The following PLXNA2 variants were observed in gnomAD, a reference collection of about 807,000 sequenced individuals.
PLXNA2 encodes the protein plexin A2.
In PLXNA2, 91 loss-of-function variants were observed where a neutral mutation model predicts 193.5. The ratio of observed to expected loss-of-function variants is 0.47; its 90% confidence interval spans 0.40 to 0.56. The LOEUF is 0.56. Among genes scored for constraint, PLXNA2 ranks in the 20% least tolerant of loss-of-function variants. The pLI, the probability that PLXNA2 is intolerant of heterozygous loss-of-function variation, is 0.00. For missense variants in PLXNA2, 1,995 were observed against 2,503.2 expected (o/e 0.80, Z 4.33); for synonymous variants, 997 against 1,027.3 (o/e 0.97, Z 0.56).
chr1:208,041,617 G>T (rs1217261353), intron 22 of PLXNA2, among the ~76,000 whole-genome samples: 1 of 152,252 alleles, frequency 6.6e-6, no homozygotes, highest in Non-Finnish European at 1.5e-5. Context: ...AAAGCGGCTA[G>T]GTGCTAGGGC....
Position 208,084,531 on chromosome 1 carries a change from T to A in PLXNA2, c.2147A>T (p.Glu716Val), listed in dbSNP as rs1666447839. The A allele has an allele frequency of 1.2e-6, 2 of 1,614,158 alleles. No individual in the cohort carries two copies. Among genetic ancestry groups the A allele is most frequent in the South Asian group, 2.2e-5 (2 of 91,084 alleles). The stretch of plus-strand genomic sequence containing the variant: ...CGCCTTAAGGGTGATTGGCTTTACC[T>A]CCCCGACTGGAATCAAGATCTCCTC... The part of the protein sequence containing the change: ...PTEEILIPVG[E>V]VKPITLKARN... Residue 716 changes from glutamate to valine, a missense_variant, in exon 10 of 32, where the codon GAG (glutamate) becomes GTG (valine). By Grantham distance (121) the Glu-to-Val change is moderately radical. Coordinates refer to ENST00000367033, the MANE Select transcript of PLXNA2 (RefSeq NM_025179.4).
intron 4 of PLXNA2, among the ~76,000 whole-genome samples, chr1:208,117,108 T>G (rs1450593337): frequency 6.6e-6 from 1 of 151,496 alleles, no homozygotes; most frequent in Non-Finnish European, 1.5e-5. Flanking sequence ...GAGGTGGAGG[T>G]TGCAGTGAGC....
Position 208,028,766 on chromosome 1 carries a change from G to T in PLXNA2, c.5438+64C>A. The T allele has an allele frequency of 6.9e-7, 1 of 1,446,712 alleles. No individual in the cohort carries two copies. The highest frequency in any genetic ancestry group is 9.6e-7 in the Non-Finnish European group (1 of 1,047,056). The allele number at this position is 1,446,712 out of a possible 1,614,324, so 89.6% of individuals were successfully genotyped here. On this transcript the variant is annotated intron_variant, in intron 30 of 31. Transcript: ENST00000367033. The surrounding 1 kb of genome is among the most constrained non-coding windows in gnomAD (Gnocchi z 4.2). Reference sequence around the variant, plus strand: ...GTCGTCTGAGTCCTTAGTCAGTGATGACTATAGAGCGGGGAATGGGCAGGG... The same window carrying T: ...GTCGTCTGAGTCCTTAGTCAGTGATTACTATAGAGCGGGGAATGGGCAGGG...
intron 2 of PLXNA2, among the ~76,000 whole-genome samples, chr1:208,214,046 C>G (rs1172796834): frequency 6.6e-6 from 1 of 152,046 alleles, no homozygotes; most frequent in East Asian, 1.9e-4. Flanking sequence ...ACTCTGCAAG[C>G]ATTTAACCCT....
intron 3 of PLXNA2, among the ~76,000 whole-genome samples, chr1:208,166,038 G>A (rs1310311102): frequency 6.6e-6 from 1 of 152,148 alleles, no homozygotes; most frequent in Non-Finnish European, 1.5e-5. Context: ...TGTCCAAGGA[G>A]AGAGAACTCT....
chr1:208,084,000 A>G (rs1041196394), intron 10 of PLXNA2, among the ~76,000 whole-genome samples: 22 of 152,356 alleles, frequency 1.4e-4, no homozygotes, highest in Admixed American at 7.8e-4. Context: ...TCAACTTCAG[A>G]AAGGTCCATG....
chr1:208,064,625 G>A (rs1252581960), intron 12 of PLXNA2, among the ~76,000 whole-genome samples: 1 of 152,236 alleles, frequency 6.6e-6, no homozygotes, highest in Non-Finnish European at 1.5e-5. Flanking sequence ...GCACCCTGTA[G>A]AAGGCAGCTT....
At position 208,092,894 on chromosome 1, in the gene PLXNA2, C is replaced by T. The variant is rs1323324210; in HGVS notation, c.1989G>A (p.Leu663=). ...AGCGGAAGGCGCTGTTGACACAGGA[C>T]AGGCACCTGCAAGGACAGAGATGGT... ...FYNCSAHQLC[L]SCVNSAFRCH... Residue 663 remains leucine (L), a synonymous_variant, in exon 9 of 32, where the codon CTG becomes CTA. Transcript: ENST00000367033. 6.2e-7 allele frequency: 1 copy of T among 1,611,892 alleles called. No homozygotes were observed. The highest frequency in any genetic ancestry group is 8.5e-7 in the Non-Finnish European group (1 of 1,178,268).
chr1:208,244,263 G>C lies in PLXNA2; in HGVS notation c.-701C>G. On this transcript the variant is annotated 5_prime_UTR_variant, in exon 1 of 32. Coordinates refer to ENST00000367033, the MANE Select transcript of PLXNA2 (RefSeq NM_025179.4). ...CTCCGCCGCCCTCCCGCTCCAGTCTGGCGCGGATGCCGCTCCTCCCGGCAG... is the reference window on the plus strand; with the variant it reads ...CTCCGCCGCCCTCCCGCTCCAGTCTCGCGCGGATGCCGCTCCTCCCGGCAG... The C allele has an allele frequency of 5.1e-6, 1 of 195,516 alleles. No homozygotes were observed. 12.1% of individuals were successfully genotyped at this position (195,516 alleles called of 1,614,324 possible).
In PLXNA2 at chr1:208,026,647, TTTCTC is replaced by T. The variant is rs1664348722; in HGVS notation, c.*591_*595del. On this transcript the variant is annotated 3_prime_UTR_variant, in exon 32 of 32. Transcript: ENST00000367033. ...TGTGCTCATCATTCTTCTTCTCCTC[TTTCTC>T]TTTTTTTTTTTTTTTTTAATTTCAA... The T allele has an allele frequency of 1.7e-5, 1 of 60,202 alleles. No individual in the cohort carries two copies. The highest frequency in any genetic ancestry group is 5.0e-5 in the African/African-American group (1 of 20,122). 3.7% of individuals were successfully genotyped at this position (60,202 alleles called of 1,614,324 possible).
intron 4 of PLXNA2, among the ~76,000 whole-genome samples, chr1:208,123,237 T>C (rs1667860435): frequency 6.6e-6 from 1 of 152,222 alleles, no homozygotes. Flanking sequence ...TTGTAGCCTA[T>C]GTTAGTAACT....
chr1:208,200,079 T>C (rs568897794), intron 3 of PLXNA2, among the ~76,000 whole-genome samples: 1 of 152,338 alleles, frequency 6.6e-6, no homozygotes, highest in Admixed American at 6.5e-5. Context: ...GTTGATGCCA[T>C]TTCTCCTTCC....
chr1:208,169,028 G>A (rs1249875), intron 3 of PLXNA2, among the ~76,000 whole-genome samples: 85,084 of 151,758 alleles, frequency 0.56, 24,643 homozygotes, highest in South Asian at 0.69. Flanking sequence ...TCATCCACCC[G>A]GCTTGCACTC....
At chr1:208,173,917 G>C (rs1669575819) in intron 3 of PLXNA2, among the ~76,000 whole-genome samples, 1 of 152,220 alleles carries the variant, frequency 6.6e-6, no homozygotes, top group African/African-American at 2.4e-5. Flanking sequence ...GCCCCTCCTG[G>C]GAATGCCATG....
At chr1:208,031,898 G>T in intron 28 of PLXNA2, 139 bp from the exon 29 acceptor site, 1 of 1,282,102 alleles carries the variant, frequency 7.8e-7, no homozygotes, top group Non-Finnish European at 1.0e-6. Context: ...GTTGCGGGGT[G>T]GGGAAGGGTA....
chr1:208,213,499 A>T (rs1671029318), intron 2 of PLXNA2, among the ~76,000 whole-genome samples: 1 of 152,212 alleles, frequency 6.6e-6, no homozygotes, highest in Non-Finnish European at 1.5e-5. Context: ...TTATGGGGTC[A>T]TTGTGAGGAG....
rs1287067604 is a variant in PLXNA2, at chr1:208,045,066, C to T, written c.3639+1G>A. On this transcript the variant is annotated splice_donor_variant, in intron 19 of 31. Transcript: ENST00000367033. LOFTEE classifies it high-confidence loss of function. ...GCATTACAGACGCAGGGCTCACTCA[C>T]CATGACCTTGTGCTGCCCGGTGAGG... 1 of 1,614,042 alleles carries T rather than the reference C, an allele frequency of 6.2e-7. No homozygotes were observed. The highest frequency in any genetic ancestry group is 8.5e-7 in the Non-Finnish European group (1 of 1,180,010).
chr1:208,074,111 G>A (rs1361168036), intron 12 of PLXNA2, among the ~76,000 whole-genome samples: 1 of 152,202 alleles, frequency 6.6e-6, no homozygotes, highest in Non-Finnish European at 1.5e-5. Context: ...TACCCTCCCT[G>A]AGTTTATCTT....
At chr1:208,180,907 T>C (rs1352940277) in intron 3 of PLXNA2, among the ~76,000 whole-genome samples, 1 of 152,206 alleles carries the variant, frequency 6.6e-6, no homozygotes, top group East Asian at 1.9e-4. Flanking sequence ...GCCCTGGCCA[T>C]GTCAAGCTTC....
Sources: gnomAD v4.1 joint callset for allele counts (sites outside exome capture counted in the v4.1 genomes callset) on GRCh38, gnomAD v4.1.1 for gene constraint, Gnocchi (gnomAD v3.1) non-coding constraint, MANE v1.5 for transcripts, NCBI Gene and HGNC (gene_info 2026-07-23, HGNC 2026-07-21) for gene names.